Variants in CENPQ observed in about 807,000 individuals in gnomAD.
CENPQ encodes the protein centromere protein Q, also known as chromosome 6 open reading frame 139.
In CENPQ, 27 loss-of-function variants were observed where a neutral mutation model predicts 36.6. The observed-to-expected ratio is 0.74, with a 90% CI of 0.54 to 1.02. The LOEUF is 1.02. Among genes scored for constraint, CENPQ ranks in the 50% least tolerant of loss-of-function variants. The pLI is 0.00. For missense variants in CENPQ, 306 were observed against 301.8 expected (o/e 1.01, Z -0.10); for synonymous variants, 101 against 101.7 (o/e 0.99, Z 0.04).
chr6:49,478,837 C>T (rs1341081666), intron 5 of CENPQ, among the ~76,000 whole-genome samples: 1 of 151,990 alleles, frequency 6.6e-6, no homozygotes, highest in African/African-American at 2.4e-5. Flanking sequence ...GAAAGTCTGC[C>T]CTATAGAAAC....
At chr6:49,471,087 G>A (rs954965317) in intron 3 of CENPQ, 59 bp downstream of exon 3, 33 of 999,012 alleles carry the variant, frequency 3.3e-5, no homozygotes, top group South Asian at 1.4e-4. Context: ...ATCTACATTC[G>A]TGAAAAAATG....
At chr6:49,482,146 G>A (rs1284198673) in intron 6 of CENPQ, among the ~76,000 whole-genome samples, 6 of 152,160 alleles carry the variant, frequency 3.9e-5, no homozygotes, top group Admixed American at 3.3e-4. Context: ...CACACCCACC[G>A]GAACTCCAGC....
At chr6:49,489,492 A>G (rs140216689) in intron 8 of CENPQ, among the ~76,000 whole-genome samples, 115 of 152,310 alleles carry the variant, frequency 7.6e-4, no homozygotes, top group African/African-American at 2.6e-3. Flanking sequence ...TGAGGATTCA[A>G]AATTGAATCC....
intron 5 of CENPQ, among the ~76,000 whole-genome samples, chr6:49,476,076 T>C (rs1190430277): frequency 2.6e-5 from 4 of 151,004 alleles, no homozygotes; most frequent in Non-Finnish European, 5.9e-5. Context: ...AAAAAAAAAC[T>C]AAAGTTCATA....
At chr6:49,480,885 G>T (rs1768410337) in intron 5 of CENPQ, 66 bp from the exon 6 acceptor site, 4 of 1,148,324 alleles carry the variant, frequency 3.5e-6, no homozygotes, top group Non-Finnish European at 1.2e-6. Flanking sequence ...AAAAAATGAG[G>T]ACTGTTTTAA....
intron 1 of CENPQ, among the ~76,000 whole-genome samples, chr6:49,468,198 C>T (rs1225059324): frequency 1.3e-5 from 2 of 151,432 alleles, no homozygotes; most frequent in Non-Finnish European, 2.9e-5. Flanking sequence ...CCAGACTGGC[C>T]AGTTGGTGCT....
chr6:49,483,051 C>T (rs1768480994), intron 6 of CENPQ, among the ~76,000 whole-genome samples: 1 of 152,158 alleles, frequency 6.6e-6, no homozygotes, highest in Non-Finnish European at 1.5e-5. Flanking sequence ...CTTTTAGTCT[C>T]TTGTCTGGCC....
At chr6:49,488,302 A>C (rs1392995360) in intron 6 of CENPQ, 50 bp from the exon 7 acceptor site, 1 of 1,386,896 alleles carries the variant, frequency 7.2e-7, no homozygotes, top group Non-Finnish European at 9.9e-7. Context: ...TTAGGATTTA[A>C]TATAATAATG....
At chr6:49,476,969 G>T (rs559977458) in intron 5 of CENPQ, among the ~76,000 whole-genome samples, 1 of 152,330 alleles carries the variant, frequency 6.6e-6, no homozygotes, top group Admixed American at 6.5e-5. Context: ...TACACTGTTG[G>T]TGGGACTGTA....
intron 1 of CENPQ, among the ~76,000 whole-genome samples, chr6:49,469,200 T>A (rs189792161): frequency 9.2e-5 from 14 of 152,348 alleles, no homozygotes; most frequent in Non-Finnish European, 1.6e-4. Context: ...AGATTTATCA[T>A]TGTCTTTCTC....
intron 6 of CENPQ, among the ~76,000 whole-genome samples, chr6:49,487,536 A>G (rs1768620513): frequency 6.6e-6 from 1 of 151,162 alleles, no homozygotes; most frequent in Non-Finnish European, 1.5e-5. Context: ...TGCATCCAGT[A>G]TTTGGAAAAG....
chr6:49,470,183 G>C lies in CENPQ; in HGVS notation c.7G>C (p.Gly3Arg), dbSNP rs1561964239. MS[G>R]KANASKKNAQ... ...GCACTGTGTTTAGATCAAGATGTCTGGTAAAGCAAATGCTTCCAAGAAAAA... is the reference window on the plus strand; with the variant it reads ...GCACTGTGTTTAGATCAAGATGTCTCGTAAAGCAAATGCTTCCAAGAAAAA... The change falls in exon 2 of 9, where the codon GGT becomes CGT. Residue 3 changes from glycine (G) to arginine (R), a missense_variant. Gly to Arg is a moderately radical substitution (Grantham distance 125). Coordinates refer to ENST00000335783, the MANE Select transcript of CENPQ (RefSeq NM_018132.4). 2 of 1,586,326 alleles carry C rather than the reference G, an allele frequency of 1.3e-6. No homozygotes were observed. The highest frequency in any genetic ancestry group is 1.7e-6 in the Non-Finnish European group (2 of 1,162,816).
At chr6:49,477,876 G>T (rs1233698741) in intron 5 of CENPQ, among the ~76,000 whole-genome samples, 1 of 152,286 alleles carries the variant, frequency 6.6e-6, no homozygotes, top group East Asian at 1.9e-4. Flanking sequence ...CAAGTATAAT[G>T]AAAATGTAGC....
At chr6:49,482,817 C>A (rs1427295170) in intron 6 of CENPQ, among the ~76,000 whole-genome samples, 1 of 152,062 alleles carries the variant, frequency 6.6e-6, no homozygotes, top group African/African-American at 2.4e-5. Context: ...TGTTACAGTT[C>A]TTAAAGGCAG....
intron 1 of CENPQ, among the ~76,000 whole-genome samples, chr6:49,466,616 A>G (rs1300410410): frequency 1.3e-5 from 2 of 152,198 alleles, no homozygotes; most frequent in Admixed American, 1.3e-4. Flanking sequence ...TTTCCCTTGG[A>G]TCTAAGAATG....
intron 1 of CENPQ, among the ~76,000 whole-genome samples, chr6:49,465,469 A>G (rs1767980110): frequency 1.3e-5 from 2 of 152,214 alleles, no homozygotes; most frequent in African/African-American, 4.8e-5. Flanking sequence ...TTCTTTCTAG[A>G]TATGAAAGTC....
intron 1 of CENPQ, among the ~76,000 whole-genome samples, chr6:49,465,059 T>C (rs1767969068): frequency 6.6e-6 from 1 of 152,232 alleles, no homozygotes; most frequent in African/African-American, 2.4e-5. Context: ...TTAAATAATA[T>C]AACTTGAAAG....
intron 1 of CENPQ, among the ~76,000 whole-genome samples, chr6:49,466,485 C>T (rs1302733625): frequency 1.3e-5 from 2 of 152,154 alleles, no homozygotes; most frequent in African/African-American, 4.8e-5. Flanking sequence ...TACATTCTTA[C>T]CCATAGCACA....
chr6:49,489,001 T>C (rs1042855333), intron 8 of CENPQ, among the ~76,000 whole-genome samples: 3 of 152,200 alleles, frequency 2.0e-5, no homozygotes, highest in African/African-American at 7.2e-5. Flanking sequence ...TCAATGTTGA[T>C]GGCTGCTGAC....
Sources: allele counts gnomAD v4.1 joint callset (sites outside exome capture counted in the v4.1 genomes callset), GRCh38; gene constraint gnomAD v4.1.1; transcripts MANE v1.5; gene names NCBI Gene and HGNC (gene_info 2026-07-23, HGNC 2026-07-21).